The following RGSL1 variants were observed in gnomAD, a reference collection of about 807,000 sequenced individuals.
RGSL1 encodes regulator of G protein signaling like 1.
RGSL1 carries 97 observed loss-of-function variants against 124.7 expected under a neutral mutation model. That is an observed-to-expected ratio of 0.78 (90% CI 0.66 to 0.92). The LOEUF (loss-of-function observed/expected upper bound fraction) is 0.92, where lower values mean the gene tolerates loss of function less well. RGSL1 is among the 40% of genes least tolerant of loss of function. The pLI, the probability that RGSL1 is intolerant of heterozygous loss-of-function variation, is 0.00. For missense variants in RGSL1, 1,233 were observed against 1,288.4 expected (o/e 0.96, Z 0.66); for synonymous variants, 424 against 438.1 (o/e 0.97, Z 0.40).
intron 6 of RGSL1, among the ~76,000 whole-genome samples, chr1:182,484,264 T>C (rs1654925010): frequency 6.6e-6 from 1 of 152,062 alleles, no homozygotes; most frequent in Non-Finnish European, 1.5e-5. Context: ...ATCTTAGTCC[T>C]GGAATGCACA....
At chr1:182,516,069 G>A (rs1450510248) in intron 9 of RGSL1, among the ~76,000 whole-genome samples, 2 of 152,186 alleles carry the variant, frequency 1.3e-5, no homozygotes, top group African/African-American at 4.8e-5. Context: ...GTTCAGTCTT[G>A]GGGTCTTCCA....
In RGSL1 at chr1:182,473,604, C is replaced by T; in HGVS notation, c.493C>T (p.Pro165Ser). 1 of 1,548,920 alleles carries T rather than the reference C, an allele frequency of 6.5e-7. No homozygotes were observed. Among genetic ancestry groups the T allele is most frequent in the South Asian group, 1.2e-5 (1 of 83,528 alleles). ...KSLLNLSIWH[P>S]NQSTTRREIL... is the part of the protein sequence containing the mutation. ...CCTCCTGAACCTCTCCATCTGGCAT[C>T]CCAACCAATCAACCACTAGGAGGGA... The change falls in exon 6 of 22, where the codon CCC (proline) becomes TCC (serine). Residue 165 changes from proline (P) to serine (S), a missense_variant. By Grantham distance (74) the Pro-to-Ser change is moderately conservative. Transcript: ENST00000294854.
At chr1:182,529,935 T>G (rs1659040014) in intron 11 of RGSL1, among the ~76,000 whole-genome samples, 1 of 152,168 alleles carries the variant, frequency 6.6e-6, no homozygotes, top group African/African-American at 2.4e-5. Flanking sequence ...CTGCTGTCTC[T>G]CTAAATCCAA....
At chr1:182,482,471 C>A (rs1186928753) in intron 6 of RGSL1, among the ~76,000 whole-genome samples, 1 of 152,190 alleles carries the variant, frequency 6.6e-6, no homozygotes, top group Non-Finnish European at 1.5e-5. Context: ...GTAAAACTAT[C>A]ATGCCTCTGT....
intron 5 of RGSL1, 32 bp downstream of exon 5, chr1:182,472,589 T>A: frequency 2.0e-6 from 3 of 1,484,092 alleles, no homozygotes; most frequent in Admixed American, 2.2e-5. Flanking sequence ...TTTGGGGGGA[T>A]GCAACAAAAA....
chr1:182,542,585 T>C (rs1051598561), intron 15 of RGSL1, among the ~76,000 whole-genome samples: 1 of 152,150 alleles, frequency 6.6e-6, no homozygotes, highest in African/African-American at 2.4e-5. Flanking sequence ...GGATTTTTTT[T>C]TCTATTTCTG....
At chr1:182,512,405 G>A (rs967636958) in intron 9 of RGSL1, among the ~76,000 whole-genome samples, 1 of 152,132 alleles carries the variant, frequency 6.6e-6, no homozygotes, top group Non-Finnish European at 1.5e-5. Flanking sequence ...TGAAATGGGA[G>A]AGTTCCCTGA....
At chr1:182,506,993 T>C (rs1414535821) in intron 9 of RGSL1, among the ~76,000 whole-genome samples, 1 of 148,382 alleles carries the variant, frequency 6.7e-6, no homozygotes, top group Non-Finnish European at 1.5e-5. Context: ...CTTTTTTTTT[T>C]TTTTTTTTTT....
At chr1:182,502,626 C>T (rs1434512555) in intron 9 of RGSL1, among the ~76,000 whole-genome samples, 3 of 152,002 alleles carry the variant, frequency 2.0e-5, no homozygotes, top group Admixed American at 6.6e-5. Flanking sequence ...TATCTAGTTC[C>T]GAATCTGGAA....
chr1:182,559,596 T>C (rs994249772), intron 21 of RGSL1, among the ~76,000 whole-genome samples: 8 of 152,210 alleles, frequency 5.3e-5, no homozygotes, highest in African/African-American at 1.7e-4. Context: ...GCTCATTTCC[T>C]CAGCGTGAAA....
chr1:182,511,645 G>A (rs1333861854), intron 9 of RGSL1, among the ~76,000 whole-genome samples: 2 of 152,192 alleles, frequency 1.3e-5, no homozygotes, highest in African/African-American at 2.4e-5. Flanking sequence ...TTTGGTTACT[G>A]TAGCTTTGTA....
chr1:182,503,621 G>T (rs1571589498), intron 9 of RGSL1, among the ~76,000 whole-genome samples: 1 of 151,966 alleles, frequency 6.6e-6, no homozygotes, highest in Admixed American at 6.5e-5. Flanking sequence ...GTGTAGGGTG[G>T]TGAGGGGGAG....
chr1:182,485,139 C>T (rs1655004019), intron 6 of RGSL1, among the ~76,000 whole-genome samples: 1 of 152,020 alleles, frequency 6.6e-6, no homozygotes, highest in African/African-American at 2.4e-5. Context: ...CTGTAGGTGT[C>T]TAATGTGTTA....
intron 15 of RGSL1, among the ~76,000 whole-genome samples, chr1:182,547,855 C>T (rs935720617): frequency 4.0e-5 from 6 of 149,512 alleles, no homozygotes; most frequent in Admixed American, 1.3e-4. Flanking sequence ...AGTGAGACTC[C>T]ATCTCAAAAA....
Position 182,554,658 on chromosome 1 carries a change from CGTG to C in RGSL1, c.3165_3167del (p.Val1056del). On this transcript the variant is annotated inframe_deletion, in exon 20 of 22. Transcript: ENST00000294854. ...CAAGCAAACTTACTCAGCCAAGACT[CGTG>C]GTATCTGCCATGCAGCTGCATCCCG... 6.4e-7 allele frequency: 1 copy of C among 1,551,680 alleles called. No individual in the cohort carries two copies. Among genetic ancestry groups the C allele is most frequent in the East Asian group, 2.4e-5 (1 of 40,920 alleles).
chr1:182,558,665 A>G (rs1661001160), intron 21 of RGSL1, among the ~76,000 whole-genome samples: 1 of 152,162 alleles, frequency 6.6e-6, no homozygotes, highest in South Asian at 2.1e-4. Context: ...TCCTTGGCTC[A>G]TGGCCTTCTT....
At chr1:182,481,968 G>A (rs930412167) in intron 6 of RGSL1, among the ~76,000 whole-genome samples, 1 of 152,042 alleles carries the variant, frequency 6.6e-6, no homozygotes, top group Non-Finnish European at 1.5e-5. Context: ...GCAAGATACT[G>A]TCTTTAAAAA....
chr1:182,455,814 T>C (rs1036087059), intron 2 of RGSL1, among the ~76,000 whole-genome samples: 9 of 152,182 alleles, frequency 5.9e-5, no homozygotes, highest in African/African-American at 1.7e-4. Context: ...GCCCTGGAGA[T>C]CAGGCAAACT....
intron 9 of RGSL1, among the ~76,000 whole-genome samples, chr1:182,508,297 T>TG (rs1352988057): frequency 7.4e-6 from 1 of 135,626 alleles, no homozygotes; most frequent in South Asian, 2.5e-4. Context: ...GGTGTTTTTT[T>TG]TTTTTTTTTT....
Sources: gnomAD v4.1 joint callset for allele counts (sites outside exome capture counted in the v4.1 genomes callset) on GRCh38, gnomAD v4.1.1 for gene constraint, MANE v1.5 for transcripts, NCBI Gene and HGNC (gene_info 2026-07-23, HGNC 2026-07-21) for gene names.